ZNF280D: variants seen among roughly 807,000 people sequenced by gnomAD.
ZNF280D encodes the protein suppressor of hairy wing homolog 4.
A neutral mutation model predicts 94.7 loss-of-function variants in ZNF280D; 39 were observed. That is an observed-to-expected ratio of 0.41 (90% confidence interval 0.32 to 0.54). The LOEUF (loss-of-function observed/expected upper bound fraction) is 0.54, where lower values mean the gene tolerates loss of function less well. Ranked by LOEUF, ZNF280D falls within the 20% of genes least tolerant of loss-of-function variation. ZNF280D has a pLI of 0.22. For missense variants in ZNF280D, 1,090 were observed against 1,149.3 expected (o/e 0.95, Z 0.75); for synonymous variants, 398 against 377.6 (o/e 1.05, Z -0.63).
intron 9 of ZNF280D, among the ~76,000 whole-genome samples, chr15:56,685,415 T>C (rs753384578): frequency 6.6e-6 from 1 of 151,632 alleles, no homozygotes; most frequent in African/African-American, 2.4e-5. Context: ...AACAATACAA[T>C]GAACAAATAA....
intron 3 of ZNF280D, among the ~76,000 whole-genome samples, chr15:56,706,422 G>A (rs2057406591): frequency 1.3e-5 from 2 of 151,860 alleles, no homozygotes; most frequent in Admixed American, 1.3e-4. Context: ...AGGTTGCAAT[G>A]AGCCGAGGTC....
chr15:56,674,345 C>CT (rs57920416), intron 13 of ZNF280D, among the ~76,000 whole-genome samples: 2,117 of 151,306 alleles, frequency 0.014, 46 homozygotes, highest in African/African-American at 0.049. Flanking sequence ...GATGAAGATA[C>CT]TTTTTTTTTA....
intron 8 of ZNF280D, 32 bp from the exon 9 acceptor site, chr15:56,689,182 A>T (rs2056264246): frequency 1.3e-6 from 2 of 1,583,324 alleles, no homozygotes; most frequent in South Asian, 2.3e-5. Flanking sequence ...TATGACTCAA[A>T]ATTCATCACT....
intron 4 of ZNF280D, among the ~76,000 whole-genome samples, chr15:56,701,966 G>C (rs558998353): frequency 5.9e-4 from 82 of 140,018 alleles, no homozygotes; most frequent in Non-Finnish European, 9.5e-4. Context: ...TCAAATTATA[G>C]TTTGGAAGCA....
At chr15:56,692,276 A>C (rs1337255954) in intron 7 of ZNF280D, among the ~76,000 whole-genome samples, 3 of 152,084 alleles carry the variant, frequency 2.0e-5, no homozygotes, top group African/African-American at 7.2e-5. Flanking sequence ...AAACAGTTTA[A>C]GTTTATAATA....
chr15:56,726,916 A>G (rs1428821632), intron 1 of ZNF280D, among the ~76,000 whole-genome samples: 1 of 152,186 alleles, frequency 6.6e-6, no homozygotes, highest in Non-Finnish European at 1.5e-5. Flanking sequence ...ATTTTTATTA[A>G]TATTGACATG....
intron 13 of ZNF280D, among the ~76,000 whole-genome samples, chr15:56,675,433 C>CTT (rs201611250): frequency 6.8e-6 from 1 of 147,054 alleles, no homozygotes. Flanking sequence ...GATGAAGATA[C>CTT]TTTTTTTTTT....
Position 56,668,960 on chromosome 15 carries a change from G to A in ZNF280D, c.1411-3C>T, listed in dbSNP as rs774024169. On this transcript the variant is annotated splice_polypyrimidine_tract_variant and splice_region_variant and intron_variant, in intron 13 of 21. Transcript: ENST00000267807. ...GTACAACGATGTATTCCTTTTTTCT[G>A]TTTAGAAAAAAACAGAAAAAGGGGG... The A allele has an allele frequency of 1.0e-5, 16 of 1,595,790 alleles. No individual in the cohort carries two copies. The African/African-American group carries it at 2.0e-4, about 20-fold the overall frequency.
intron 1 of ZNF280D, among the ~76,000 whole-genome samples, chr15:56,713,849 G>C (rs904938963): frequency 1.3e-5 from 2 of 152,094 alleles, no homozygotes; most frequent in Non-Finnish European, 2.9e-5. Flanking sequence ...TGGAAAATTG[G>C]AAATTACTGT....
At chr15:56,668,273 T>A (rs150515652) in intron 14 of ZNF280D, 3 of 394,594 alleles carry the variant, frequency 7.6e-6, no homozygotes, top group African/African-American at 2.2e-5. Flanking sequence ...AAAACAGATG[T>A]ACATAAGGCA....
Position 56,694,294 on chromosome 15 carries a change from TACACACACACACAC to T in ZNF280D, c.382-1093_382-1080del, listed in dbSNP as rs57017142. 3.9e-3 allele frequency among the ~76,000 whole-genome samples: 545 copies of T among 138,480 alleles called. 1 individual carries two copies. Among genetic ancestry groups the T allele is most frequent in the South Asian group, 4.9e-3 (20 of 4,114 alleles). The allele number at this position is 138,480 out of a possible 152,430, so 90.8% of individuals were successfully genotyped here. On this transcript the variant is annotated intron_variant, in intron 6 of 21. Coordinates refer to ENST00000267807, the MANE Select transcript of ZNF280D (RefSeq NM_017661.4). ...ATTATACATTAAATATAATGACACA[TACACACACACACAC>T]ACACACACACACACACACACACACA...
At chr15:56,731,100 A>T (rs1033495057) in intron 1 of ZNF280D, among the ~76,000 whole-genome samples, 2 of 152,218 alleles carry the variant, frequency 1.3e-5, no homozygotes, top group Non-Finnish European at 2.9e-5. Flanking sequence ...ATCCAAGTTT[A>T]GAGAAAACAG....
intron 1 of ZNF280D, chr15:56,730,314 A>G (rs1415764324): frequency 6.6e-6 from 1 of 152,242 alleles, no homozygotes; most frequent in African/African-American, 2.4e-5. Context: ...CAGGATTTAT[A>G]TATTTAATTA....
intron 1 of ZNF280D, among the ~76,000 whole-genome samples, chr15:56,710,366 C>CCACTGTACTCCAGCCT (rs1234449665): frequency 1.3e-5 from 2 of 151,994 alleles, no homozygotes; most frequent in East Asian, 3.9e-4. Context: ...TGAGACTGCA[C>CCACTGTACTCCAGCCT]CACTGTACTC....
chr15:56,673,041 A>G (rs1408557135), intron 13 of ZNF280D, among the ~76,000 whole-genome samples: 3 of 152,064 alleles, frequency 2.0e-5, no homozygotes, highest in East Asian at 1.9e-4. Context: ...AGAAAAACCA[A>G]AAAATAGATA....
At chr15:56,638,249 G>C (rs765820743) in intron 20 of ZNF280D, among the ~76,000 whole-genome samples, 19 of 152,062 alleles carry the variant, frequency 1.2e-4, no homozygotes, top group Non-Finnish European at 2.8e-4. Flanking sequence ...TCAACATTTG[G>C]AAGATCCAGG....
At chr15:56,673,827 A>C (rs1182098522) in intron 13 of ZNF280D, among the ~76,000 whole-genome samples, 1 of 152,004 alleles carries the variant, frequency 6.6e-6, no homozygotes, top group African/African-American at 2.4e-5. Flanking sequence ...GGTAATTCAC[A>C]TGGCTTACTC....
At chr15:56,649,896 T>C (rs2053109927) in intron 19 of ZNF280D, among the ~76,000 whole-genome samples, 1 of 152,096 alleles carries the variant, frequency 6.6e-6, no homozygotes, top group African/African-American at 2.4e-5. Context: ...CTTACATTTA[T>C]GAAAGATAAT....
chr15:56,729,021 T>C (rs1245303641), intron 1 of ZNF280D, among the ~76,000 whole-genome samples: 1 of 152,172 alleles, frequency 6.6e-6, no homozygotes, highest in African/African-American at 2.4e-5. Flanking sequence ...ATGTAACCTA[T>C]CGTAATTCAA....
Sources: allele counts gnomAD v4.1 joint callset (sites outside exome capture counted in the v4.1 genomes callset), GRCh38; gene constraint gnomAD v4.1.1; transcripts MANE v1.5; gene names NCBI Gene and HGNC (gene_info 2026-07-23, HGNC 2026-07-21).